The following HLCS variants were observed in gnomAD, a reference collection of about 807,000 sequenced individuals.
The protein encoded by HLCS is holocarboxylase synthetase.
A neutral mutation model predicts 75.0 loss-of-function variants in HLCS; 53 were observed. The observed-to-expected ratio is 0.71, with a 90% CI of 0.57 to 0.89. The LOEUF is 0.89. Ranked by LOEUF, HLCS falls within the 40% of genes least tolerant of loss-of-function variation. The pLI is 0.00. For missense variants in HLCS, 966 were observed against 1,074.0 expected (o/e 0.90, Z 1.41); for synonymous variants, 431 against 428.6 (o/e 1.01, Z -0.07).
intron 6 of HLCS, among the ~76,000 whole-genome samples, chr21:36,818,186 G>T (rs559910785): frequency 6.6e-6 from 1 of 152,186 alleles, no homozygotes; most frequent in Non-Finnish European, 1.5e-5. Context: ...GGTGAGGGGG[G>T]CGGCCAGAAG....
chr21:36,971,067 TG>T (rs949081186), upstream of HLCS, among the ~76,000 whole-genome samples: 2 of 152,096 alleles, frequency 1.3e-5, no homozygotes, highest in African/African-American at 4.8e-5. Context: ...AACATGTTCT[TG>T]TTTTTGGAAC....
Position 36,936,800 on chromosome 21 carries a change from C to CA in HLCS, c.1085dup (p.Leu363AlafsTer61). 1 of 1,614,214 alleles carries CA rather than the reference C, an allele frequency of 6.2e-7. No individual in the cohort carries two copies. ...ACTCCCTGGTAGCAATGACCAACAGCAGACAGTTGTCCGTCCACGGGTCTC... is the reference window on the plus strand; with the variant it reads ...ACTCCCTGGTAGCAATGACCAACAGCAAGACAGTTGTCCGTCCACGGGTCTC... On this transcript the variant is annotated frameshift_variant, in exon 4 of 11. Coordinates refer to ENST00000674895, the MANE Select transcript of HLCS (RefSeq NM_001352514.2). LOFTEE classifies it high-confidence loss of function.
chr21:36,916,675 T>G (rs1321985113), intron 5 of HLCS, among the ~76,000 whole-genome samples: 2 of 152,040 alleles, frequency 1.3e-5, no homozygotes, highest in Non-Finnish European at 1.5e-5. Context: ...CCTGACCAAT[T>G]TAAAACTTAA....
intron 6 of HLCS, among the ~76,000 whole-genome samples, chr21:36,777,055 T>C (rs985886954): frequency 6.6e-6 from 1 of 152,220 alleles, no homozygotes; most frequent in Non-Finnish European, 1.5e-5. Context: ...GTGTGGTCAT[T>C]TGTTACGATT....
chr21:36,884,017 A>T (rs993016198), intron 6 of HLCS, among the ~76,000 whole-genome samples: 1 of 152,226 alleles, frequency 6.6e-6, no homozygotes, highest in Admixed American at 6.5e-5. Flanking sequence ...TTGAGTCAAC[A>T]CATTTGTGGG....
At chr21:36,896,470 A>G in intron 6 of HLCS, 1 of 278,510 alleles carries the variant, frequency 3.6e-6, no homozygotes, top group South Asian at 4.4e-5. Context: ...TTCCTATTCA[A>G]ATGCCCCTGA....
At chr21:36,939,438 T>C (rs2067041697) in intron 2 of HLCS, among the ~76,000 whole-genome samples, 1 of 152,186 alleles carries the variant, frequency 6.6e-6, no homozygotes, top group Non-Finnish European at 1.5e-5. Context: ...AGGGAGCACA[T>C]GAGACCTTCA....
chr21:36,789,938 G>A (rs118045321), intron 6 of HLCS, among the ~76,000 whole-genome samples: 99 of 152,268 alleles, frequency 6.5e-4, no homozygotes, highest in Middle Eastern at 3.4e-3. Flanking sequence ...CTTAAGGGTA[G>A]ATTACTAGAA....
intron 6 of HLCS, among the ~76,000 whole-genome samples, chr21:36,844,439 AGAAGT>A (rs1331877233): frequency 6.6e-6 from 1 of 152,182 alleles, no homozygotes; most frequent in Non-Finnish European, 1.5e-5. Flanking sequence ...AACTGCTCTA[AGAAGT>A]GAAGTCTATT....
chr21:36,903,140 T>A (rs1175344685), intron 5 of HLCS, among the ~76,000 whole-genome samples: 1 of 152,186 alleles, frequency 6.6e-6, no homozygotes, highest in African/African-American at 2.4e-5. Context: ...TCAAATGAGC[T>A]ACCAAAAGCT....
intron 6 of HLCS, among the ~76,000 whole-genome samples, chr21:36,777,179 A>C (rs2060384498): frequency 6.6e-6 from 1 of 152,174 alleles, no homozygotes; most frequent in Non-Finnish European, 1.5e-5. Context: ...TCTTGTGGCC[A>C]CCATGTCAGC....
chr21:36,786,560 C>T (rs1001952451), intron 6 of HLCS, among the ~76,000 whole-genome samples: 1 of 152,086 alleles, frequency 6.6e-6, no homozygotes, highest in Admixed American at 6.6e-5. Flanking sequence ...AGGATTTGGA[C>T]GAGCACAAAA....
At chr21:36,858,625 C>T (rs368721285) in intron 6 of HLCS, among the ~76,000 whole-genome samples, 11 of 152,290 alleles carry the variant, frequency 7.2e-5, no homozygotes, top group African/African-American at 1.4e-4. Flanking sequence ...TGTTAAATAA[C>T]GCAGTACATC....
At chr21:36,783,946 T>G (rs1047525937) in intron 6 of HLCS, among the ~76,000 whole-genome samples, 2 of 152,118 alleles carry the variant, frequency 1.3e-5, no homozygotes, top group African/African-American at 4.8e-5. Context: ...CACTGTAAGA[T>G]TTCTCCAAGG....
At chr21:36,972,950 T>A (rs939402533) in intron 1 of HLCS, among the ~76,000 whole-genome samples, 1 of 152,154 alleles carries the variant, frequency 6.6e-6, no homozygotes, top group Non-Finnish European at 1.5e-5. Flanking sequence ...ACACAGTGGC[T>A]CATGCCTGTA....
chr21:36,891,666 A>C (rs1057129519), intron 6 of HLCS, among the ~76,000 whole-genome samples: 4 of 152,196 alleles, frequency 2.6e-5, no homozygotes, highest in African/African-American at 4.8e-5. Context: ...AGCTCTGAAA[A>C]TTCAAAATGT....
rs550345562 is a variant in HLCS, at chr21:36,755,064, A to ACACACACAAG, written c.2451-657_2451-648dup. Among the ~76,000 whole-genome samples the ACACACACAAG allele has an allele frequency of 1.8e-3, 271 of 152,252 alleles. 2 individuals carry two copies. The highest frequency in any genetic ancestry group is 6.4e-3 in the African/African-American group (266 of 41,542). On this transcript the variant is annotated intron_variant, in intron 10 of 10. Transcript: ENST00000674895. Reference sequence around the variant, plus strand: ...ATTTGCTTTCTTTCTTCACACATAAACACACACAAGCACACATTTTTTTTT... The same window carrying ACACACACAAG: ...ATTTGCTTTCTTTCTTCACACATAAACACACACAAGCACACACAAGCACACATTTTTTTTT...
At chr21:36,855,726 G>A (rs1441538214) in intron 6 of HLCS, among the ~76,000 whole-genome samples, 3 of 151,622 alleles carry the variant, frequency 2.0e-5, no homozygotes, top group Admixed American at 6.6e-5. Context: ...ACAGGTGCAC[G>A]CCACCACACC....
chr21:36,805,031 T>G (rs1414546467), intron 6 of HLCS, among the ~76,000 whole-genome samples: 1 of 152,156 alleles, frequency 6.6e-6, no homozygotes, highest in East Asian at 1.9e-4. Context: ...CAAAGGACAT[T>G]GTGGAGAGAT....
Sources: allele counts gnomAD v4.1 joint callset (sites outside exome capture counted in the v4.1 genomes callset), GRCh38; gene constraint gnomAD v4.1.1; transcripts MANE v1.5; gene names NCBI Gene and HGNC (gene_info 2026-07-23, HGNC 2026-07-21).